Variants in NRCAM observed in about 807,000 individuals in gnomAD.
NRCAM encodes the protein neuronal cell adhesion molecule.
A neutral mutation model predicts 156.5 loss-of-function variants in NRCAM; 83 were observed. The ratio of observed to expected loss-of-function variants is 0.53; its 90% CI spans 0.44 to 0.64. NRCAM has a LOEUF of 0.64. Ranked by LOEUF, NRCAM falls within the 30% of genes least tolerant of loss-of-function variation. The pLI is 0.00. For synonymous variants in NRCAM, 538 were observed against 563.9 expected (o/e 0.95, Z 0.65); for missense variants, 1,417 against 1,597.3 (o/e 0.89, Z 1.92).
chr7:108,396,320 A>G (rs1313284577), intron 2 of NRCAM, among the ~76,000 whole-genome samples: 1 of 152,224 alleles, frequency 6.6e-6, no homozygotes, highest in Admixed American at 6.5e-5. Flanking sequence ...GATAATTTAC[A>G]GCCCACTGGT....
intron 2 of NRCAM, among the ~76,000 whole-genome samples, chr7:108,318,482 G>A (rs528300607): frequency 3.3e-5 from 5 of 152,210 alleles, no homozygotes; most frequent in Non-Finnish European, 7.3e-5. Flanking sequence ...TTGTGAGGCT[G>A]TTAGATTCCC....
chr7:108,241,550 G>A (rs954634178), intron 3 of NRCAM, among the ~76,000 whole-genome samples: 4 of 152,070 alleles, frequency 2.6e-5, no homozygotes, highest in African/African-American at 9.7e-5. Context: ...TATATTTTAC[G>A]ATGTCCATCT....
At chr7:108,298,126 A>C (rs557123095) in intron 3 of NRCAM, among the ~76,000 whole-genome samples, 27 of 152,358 alleles carry the variant, frequency 1.8e-4, no homozygotes, top group African/African-American at 6.5e-4. Context: ...CATTAATAAA[A>C]CTAAATACGG....
intron 3 of NRCAM, among the ~76,000 whole-genome samples, chr7:108,295,515 C>G (rs960918292): frequency 6.6e-6 from 1 of 152,204 alleles, no homozygotes; most frequent in African/African-American, 2.4e-5. Context: ...TAGGGCAAGA[C>G]AGCTCCCCGG....
At chr7:108,150,818 A>T (rs2041055262) in intron 32 of NRCAM, 1 of 446,954 alleles carries the variant, frequency 2.2e-6, no homozygotes, top group South Asian at 1.7e-5. Flanking sequence ...TTTGGTAAAA[A>T]TTTTAGTTAA....
Position 108,253,659 on chromosome 7 carries a change from G to A in NRCAM, c.-106-13489C>T, listed in dbSNP as rs140817889. ...AGTTAAAGAACTTTTCTTTCAAAAG[G>A]ATTATCAAGAGTGCCATCTTCTCAT... On this transcript the variant is annotated intron_variant, in intron 3 of 32. Transcript: ENST00000379028. Among the ~76,000 whole-genome samples, 303 of 152,320 alleles carry A rather than the reference G, an allele frequency of 2.0e-3. 15 individuals carry two copies. In the East Asian group the frequency reaches 0.044, roughly 22 times the overall value.
intron 11 of NRCAM, among the ~76,000 whole-genome samples, chr7:108,220,570 CA>C (rs1292064057): frequency 1.3e-5 from 2 of 152,028 alleles, no homozygotes; most frequent in Admixed American, 1.3e-4. Flanking sequence ...TGATCTTCGA[CA>C]AAGCAAACAA....
chr7:108,253,558 G>C (rs923470374), intron 3 of NRCAM, among the ~76,000 whole-genome samples: 1 of 152,154 alleles, frequency 6.6e-6, no homozygotes, highest in African/African-American at 2.4e-5. Flanking sequence ...CGTTGTAAGG[G>C]GGCATAAATG....
intron 1 of NRCAM, among the ~76,000 whole-genome samples, chr7:108,453,984 G>C (rs1853548222): frequency 6.6e-6 from 1 of 152,112 alleles, no homozygotes; most frequent in South Asian, 2.1e-4. Flanking sequence ...GGACATTCAG[G>C]GCTGGGGACC....
At chr7:108,327,241 T>G (rs1212522724) in intron 2 of NRCAM, among the ~76,000 whole-genome samples, 1 of 152,158 alleles carries the variant, frequency 6.6e-6, no homozygotes, top group East Asian at 1.9e-4. Flanking sequence ...CTCAGTCTAG[T>G]CTCTCTAAAT....
chr7:108,155,412 C>T (rs1426913199), intron 32 of NRCAM, among the ~76,000 whole-genome samples: 8 of 151,848 alleles, frequency 5.3e-5, no homozygotes, highest in Admixed American at 4.6e-4. Context: ...GATACAATAT[C>T]AAGTATATTC....
Position 108,404,665 on chromosome 7 carries a change from A to C in NRCAM, c.-331-5072T>G, listed in dbSNP as rs542472667. On this transcript the variant is annotated intron_variant, in intron 1 of 32. Transcript: ENST00000379028. ...AAATACCGTTAAAACTGGTTAGCAT[A>C]TATTTGATCCTCATGACAACTTAAT... is the stretch of plus-strand genomic sequence containing the variant. Among the ~76,000 whole-genome samples, 6 of 152,310 alleles carry C rather than the reference A, an allele frequency of 3.9e-5. No homozygotes were observed. The South Asian group carries it at 1.2e-3, about 32-fold the overall frequency.
In NRCAM at chr7:108,428,853, T is replaced by G. The variant is rs570226021; in HGVS notation, c.-332+27390A>C. Among the ~76,000 whole-genome samples, 228 of 152,272 alleles carry G rather than the reference T, an allele frequency of 1.5e-3. 1 individual carries two copies. The highest frequency in any genetic ancestry group is 5.3e-3 in the African/African-American group (219 of 41,560). ...GCAGAAGAGTGGAGACATTAATTGA[T>G]TGGAGGGCAAAATCCACAATACTTG... On this transcript the variant is annotated intron_variant, in intron 1 of 32. Coordinates refer to ENST00000379028, the MANE Select transcript of NRCAM (RefSeq NM_001037132.4).
Position 108,156,263 on chromosome 7 carries a change from C to T in NRCAM, c.3677+3200G>A, listed in dbSNP as rs531330514. The T allele has an allele frequency of 1.5e-5, 15 of 982,510 alleles. 1 individual carries two copies. The African/African-American group carries it at 2.6e-4, about 17-fold the overall frequency. The allele number at this position is 982,510 out of a possible 1,614,324, so 60.9% of individuals were successfully genotyped here. A position where few individuals can be genotyped will look rare whatever the true frequency, so the allele number is the denominator to read the frequency against. ...CCATGTTCACATGAATGACAAGATT[C>T]ATGTGGCAAGAGCCACCAATTATGT... On this transcript the variant is annotated intron_variant, in intron 32 of 32. Transcript: ENST00000379028.
At chr7:108,453,518 G>A (rs929738615) in intron 1 of NRCAM, among the ~76,000 whole-genome samples, 1 of 152,178 alleles carries the variant, frequency 6.6e-6, no homozygotes, top group Non-Finnish European at 1.5e-5. Context: ...ATGGCCTTCA[G>A]TCCAAAGACC....
chr7:108,450,614 T>C (rs1849205585), intron 1 of NRCAM, among the ~76,000 whole-genome samples: 1 of 151,996 alleles, frequency 6.6e-6, no homozygotes, highest in Non-Finnish European at 1.5e-5. Flanking sequence ...TTTTTGGCAG[T>C]AAAAAAAGCA....
chr7:108,351,756 T>C (rs753969642), intron 2 of NRCAM, among the ~76,000 whole-genome samples: 59 of 60,592 alleles, frequency 9.7e-4, no homozygotes, highest in Non-Finnish European at 1.5e-3. Flanking sequence ...GCAGGTCATA[T>C]TGACCACTTT....
intron 25 of NRCAM, among the ~76,000 whole-genome samples, chr7:108,178,656 T>C (rs1448356387): frequency 4.0e-5 from 6 of 150,388 alleles, no homozygotes; most frequent in Admixed American, 6.6e-5. Context: ...AAGCCCAACC[T>C]TGGCACACCC....
In NRCAM at chr7:108,149,046, G is replaced by A. The variant is rs2040009966; in HGVS notation, c.*864C>T. On this transcript the variant is annotated 3_prime_UTR_variant, in exon 33 of 33. Transcript: ENST00000379028. Reference sequence around the variant, plus strand: ...CTGGACCAGCTGATACAGAATGCACGATGTTGTGGAATGCTTAATATCTGA... The same window carrying A: ...CTGGACCAGCTGATACAGAATGCACAATGTTGTGGAATGCTTAATATCTGA... 6.6e-6 allele frequency: 1 copy of A among 152,566 alleles called. No individual in the cohort carries two copies. Among genetic ancestry groups the A allele is most frequent in the African/African-American group, 2.4e-5 (1 of 41,412 alleles). The allele number at this position is 152,566 out of a possible 1,614,324, so 9.5% of individuals were successfully genotyped here.
Sources: allele counts gnomAD v4.1 joint callset (sites outside exome capture counted in the v4.1 genomes callset), GRCh38; gene constraint gnomAD v4.1.1; transcripts MANE v1.5; gene names NCBI Gene and HGNC (gene_info 2026-07-23, HGNC 2026-07-21).